The following TRPM3 variants were observed in gnomAD, a reference collection of about 807,000 sequenced individuals.
TRPM3 encodes transient receptor potential cation channel subfamily M member 3.
Under a neutral mutation model 181.2 loss-of-function variants are expected in TRPM3, and 77 were observed. The observed-to-expected ratio is 0.42, with a 90% confidence interval of 0.35 to 0.51. The LOEUF is 0.51. TRPM3 is among the 20% of genes least tolerant of loss of function. The pLI is 0.01. For missense variants in TRPM3, 1,759 were observed against 2,196.7 expected (o/e 0.80, Z 3.98); for synonymous variants, 745 against 796.4 (o/e 0.94, Z 1.09).
intron 1 of TRPM3, among the ~76,000 whole-genome samples, chr9:71,202,269 G>A (rs1011730125): frequency 1.3e-5 from 2 of 151,610 alleles, no homozygotes; most frequent in Non-Finnish European, 2.9e-5. Flanking sequence ...TAGGCTGCTC[G>A]GGGGTCAGGG....
chr9:71,392,483 G>A (rs1227038063), intron 1 of TRPM3, among the ~76,000 whole-genome samples: 1 of 152,056 alleles, frequency 6.6e-6, no homozygotes, highest in African/African-American at 2.4e-5. Flanking sequence ...TTTTGTTGGG[G>A]TATTTTTTGC....
At chr9:70,924,695 T>G (rs924173832) in intron 1 of TRPM3, among the ~76,000 whole-genome samples, 2 of 152,148 alleles carry the variant, frequency 1.3e-5, no homozygotes, top group African/African-American at 4.8e-5. Flanking sequence ...TCTACCATAT[T>G]TTTGCGCTAA....
chr9:71,207,679 C>T (rs956928772), intron 1 of TRPM3, among the ~76,000 whole-genome samples: 1 of 152,114 alleles, frequency 6.6e-6, no homozygotes, highest in African/African-American at 2.4e-5. Flanking sequence ...ATTACAGAAA[C>T]TCTTTGAATC....
intron 1 of TRPM3, among the ~76,000 whole-genome samples, chr9:71,393,901 T>C (rs1298805816): frequency 6.6e-6 from 1 of 152,178 alleles, no homozygotes; most frequent in Non-Finnish European, 1.5e-5. Flanking sequence ...AAGTTTGTAC[T>C]GAAAAATTGG....
intron 1 of TRPM3, among the ~76,000 whole-genome samples, chr9:71,115,239 C>T (rs2072082986): frequency 6.6e-6 from 1 of 151,844 alleles, no homozygotes; most frequent in South Asian, 2.1e-4. Context: ...GGGGTCCTTC[C>T]AAGAGCTCTG....
intron 1 of TRPM3, among the ~76,000 whole-genome samples, chr9:70,993,953 G>A (rs931016737): frequency 1.3e-5 from 2 of 152,142 alleles, no homozygotes; most frequent in African/African-American, 4.8e-5. Flanking sequence ...GAGTCCCAAT[G>A]ACATTCATGT....
chr9:71,191,476 A>T (rs2078016511), intron 1 of TRPM3, among the ~76,000 whole-genome samples: 1 of 151,626 alleles, frequency 6.6e-6, no homozygotes, highest in African/African-American at 2.4e-5. Context: ...CTAATGCTCT[A>T]CTTCCTTCCA....
chr9:71,161,888 C>T (rs1196520023), intron 1 of TRPM3, among the ~76,000 whole-genome samples: 1 of 151,908 alleles, frequency 6.6e-6, no homozygotes, highest in Non-Finnish European at 1.5e-5. Flanking sequence ...GCCAGATAAT[C>T]ATTTAGAACA....
chr9:70,975,437 C>T (rs977274320), intron 1 of TRPM3, among the ~76,000 whole-genome samples: 1 of 152,138 alleles, frequency 6.6e-6, no homozygotes, highest in Non-Finnish European at 1.5e-5. Flanking sequence ...ATAATACTGC[C>T]TAGGGCTGGC....
intron 1 of TRPM3, among the ~76,000 whole-genome samples, chr9:71,420,586 GAAAAAGAGAAAGAGAAGAGAA>G: frequency 8.0e-6 from 1 of 124,470 alleles, no homozygotes; most frequent in South Asian, 2.5e-4. Context: ...GAAAGAGAAA[GAAAAAGAGAAAGAGAAGAGAA>G]AGAAAGAAAG....
intron 1 of TRPM3, among the ~76,000 whole-genome samples, chr9:71,203,455 T>C (rs2078927115): frequency 6.6e-6 from 1 of 152,226 alleles, no homozygotes. Context: ...CAGTCTGTTT[T>C]AAGCTTTCAT....
intron 1 of TRPM3, among the ~76,000 whole-genome samples, chr9:71,379,961 G>A (rs996480013): frequency 5.3e-5 from 8 of 151,966 alleles, no homozygotes; most frequent in African/African-American, 1.9e-4. Context: ...ACTATGCATT[G>A]CCATGTGTTC....
At chr9:70,652,805 T>C (rs1057498345) in intron 9 of TRPM3, among the ~76,000 whole-genome samples, 3 of 152,150 alleles carry the variant, frequency 2.0e-5, no homozygotes, top group African/African-American at 7.2e-5. Flanking sequence ...TTATTGGGGT[T>C]AGGAGACAAT....
At chr9:71,156,836 A>C (rs2076028901) in intron 1 of TRPM3, among the ~76,000 whole-genome samples, 1 of 152,098 alleles carries the variant, frequency 6.6e-6, no homozygotes, top group Non-Finnish European at 1.5e-5. Flanking sequence ...AATGCATTCC[A>C]AATTGGTTTG....
chr9:71,127,315 A>C (rs532978483), intron 1 of TRPM3, among the ~76,000 whole-genome samples: 20 of 151,668 alleles, frequency 1.3e-4, no homozygotes, highest in Non-Finnish European at 2.2e-4. Context: ...ACACACACAC[A>C]CCCCTGAACT....
intron 1 of TRPM3, among the ~76,000 whole-genome samples, chr9:71,196,642 T>C (rs895137896): frequency 1.3e-5 from 2 of 152,070 alleles, no homozygotes; most frequent in Admixed American, 1.3e-4. Flanking sequence ...TCTTCAGTAA[T>C]TGACACCTCA....
At chr9:70,684,075 G>A (rs2066167319) in intron 8 of TRPM3, among the ~76,000 whole-genome samples, 1 of 152,152 alleles carries the variant, frequency 6.6e-6, no homozygotes, top group African/African-American at 2.4e-5. Flanking sequence ...GACTTGTTCT[G>A]CTGATGACTA....
chr9:70,831,991 A>ATAAATATATATATATATATT (rs2093960781), intron 5 of TRPM3, among the ~76,000 whole-genome samples: 1 of 125,696 alleles, frequency 8.0e-6, no homozygotes, highest in African/African-American at 3.0e-5. Flanking sequence ...ATATATATAT[A>ATAAATATATATATATATATT]TATATACCTA....
At chr9:71,275,114 G>C (rs1504383) in intron 1 of TRPM3, among the ~76,000 whole-genome samples, 125,579 of 152,090 alleles carry the variant, frequency 0.83, 52,040 homozygotes, top group East Asian at 0.95. Context: ...GCAAAATGAT[G>C]TTTATTTACT....
Sources: allele counts gnomAD v4.1 joint callset (sites outside exome capture counted in the v4.1 genomes callset), GRCh38; gene constraint gnomAD v4.1.1; transcripts MANE v1.5; gene names NCBI Gene and HGNC (gene_info 2026-07-23, HGNC 2026-07-21).